The following IBTK variants were observed in gnomAD, a reference collection of about 807,000 sequenced individuals.
IBTK encodes the protein inhibitor of Bruton tyrosine kinase.
Under a neutral mutation model 154.9 loss-of-function variants are expected in IBTK, and 83 were observed. That is an observed-to-expected ratio of 0.54 (90% CI 0.45 to 0.64). The LOEUF (loss-of-function observed/expected upper bound fraction) is 0.64, where lower values mean the gene tolerates loss of function less well. Ranked by LOEUF, IBTK falls within the 30% of genes least tolerant of loss-of-function variation. The probability of loss-of-function intolerance (pLI) is 0.00; values close to 1 mark genes in which losing one functional copy is unlikely to be tolerated. For missense variants in IBTK, 1,332 were observed against 1,584.6 expected, an observed-to-expected ratio of 0.84 and a Z score of 2.71; for synonymous variants, 515 against 536.1, an observed-to-expected ratio of 0.96 and a Z score of 0.54.
intron 2 of IBTK, among the ~76,000 whole-genome samples, 200 bp downstream of exon 2, chr6:82,239,966 T>G (rs1406723802): frequency 6.6e-6 from 1 of 152,184 alleles, no homozygotes; most frequent in African/African-American, 2.4e-5. Context: ...ATGATAAATG[T>G]TTAAAATTTT....
intron 12 of IBTK, among the ~76,000 whole-genome samples, chr6:82,213,159 C>A (rs1270036723): frequency 6.6e-6 from 1 of 152,112 alleles, no homozygotes; most frequent in Non-Finnish European, 1.5e-5. Context: ...AACCCAGTAA[C>A]TGGGACTACA....
Position 82,231,720 on chromosome 6 carries a change from G to T in IBTK, c.541C>A (p.Gln181Lys). ...TATAGATTGTACTTCAAAAATACCT[G>T]CTTGATATAAATCCCACTCCTGGAG... Reference protein sequence around the residue: ...LFSRSGIYIKQVVLCKFHSVF... With the variant: ...LFSRSGIYIKKVVLCKFHSVF... The change falls in exon 4 of 29, where the codon CAG (glutamine) becomes AAG (lysine). Residue 181 changes from glutamine (Q) to lysine (K), a missense_variant and splice_region_variant. Gln to Lys is a moderately conservative substitution (Grantham distance 53). This residue lies in a region of IBTK where 114 missense variants were observed against 213.7 expected (regional missense o/e 0.53). Coordinates refer to ENST00000306270, the MANE Select transcript of IBTK (RefSeq NM_015525.4). The T allele has an allele frequency of 6.3e-7, 1 of 1,596,612 alleles. No individual in the cohort carries two copies. The highest frequency in any genetic ancestry group is 2.2e-5 in the East Asian group (1 of 44,504).
At position 82,200,522 on chromosome 6, in the gene IBTK, G is replaced by A. The variant is rs1037847735; in HGVS notation, c.2912+65C>T. ...GTCATATGTCCAAGATGAGAGTGAA[G>A]GGACACACTGGAGAAAAGAAGGAAG... On this transcript the variant is annotated intron_variant, in intron 20 of 28. Coordinates refer to ENST00000306270, the MANE Select transcript of IBTK (RefSeq NM_015525.4). 8.3e-6 allele frequency: 11 copies of A among 1,323,920 alleles called. No homozygotes were observed. The East Asian group carries it at 1.3e-4, about 15-fold the overall frequency. The allele number at this position is 1,323,920 out of a possible 1,614,324, so 82.0% of individuals were successfully genotyped here.
At chr6:82,186,837 T>C (rs1768574258) in intron 25 of IBTK, among the ~76,000 whole-genome samples, 1 of 152,026 alleles carries the variant, frequency 6.6e-6, no homozygotes, top group African/African-American at 2.4e-5. Flanking sequence ...CTCATGTTTG[T>C]ACTTAAGTTT....
In IBTK at chr6:82,216,613, C is replaced by G. The variant is rs535082894; in HGVS notation, c.1427-363G>C. Among the ~76,000 whole-genome samples the G allele has an allele frequency of 4.6e-5, 7 of 152,252 alleles. No homozygotes were observed. The East Asian group carries it at 1.3e-3, about 29-fold the overall frequency. On this transcript the variant is annotated intron_variant, in intron 10 of 28. Coordinates refer to ENST00000306270, the MANE Select transcript of IBTK (RefSeq NM_015525.4). ...GCCCAAAGGGAAAAAAATTCTTCAACTTGGATTAAAAATATATAAATCTAC... is the reference window on the plus strand; with the variant it reads ...GCCCAAAGGGAAAAAAATTCTTCAAGTTGGATTAAAAATATATAAATCTAC...
chr6:82,205,117 AT>A, intron 16 of IBTK, 159 bp from the exon 17 acceptor site: 1 of 427,370 alleles, frequency 2.3e-6, no homozygotes, highest in Non-Finnish European at 4.2e-6. Flanking sequence ...TATTTTCTAA[AT>A]GTTGAAAGGG....
chr6:82,227,073 T>G, intron 5 of IBTK, 119 bp downstream of exon 5: 1 of 583,506 alleles, frequency 1.7e-6, no homozygotes, highest in Non-Finnish European at 3.0e-6. Context: ...TTAAAATCTA[T>G]TATCAATTGA....
chr6:82,180,318 T>C (rs1382688946), intron 26 of IBTK, among the ~76,000 whole-genome samples: 1 of 152,166 alleles, frequency 6.6e-6, no homozygotes, highest in Non-Finnish European at 1.5e-5. Context: ...CAATCATGGC[T>C]AACTGCAGCC....
chr6:82,226,175 A>G (rs1035139702), intron 5 of IBTK, among the ~76,000 whole-genome samples: 1 of 152,214 alleles, frequency 6.6e-6, no homozygotes, highest in African/African-American at 2.4e-5. Flanking sequence ...AACGATTGCT[A>G]TTATTAGTGT....
At chr6:82,215,035 T>A (rs935395828) in intron 11 of IBTK, among the ~76,000 whole-genome samples, 3 of 152,314 alleles carry the variant, frequency 2.0e-5, no homozygotes, top group African/African-American at 7.2e-5. Flanking sequence ...TTTATATTTA[T>A]ATTCTATTCT....
chr6:82,232,062 GT>G (rs11373105), intron 3 of IBTK, among the ~76,000 whole-genome samples: 5 of 148,152 alleles, frequency 3.4e-5, no homozygotes, highest in African/African-American at 1.0e-4. Context: ...TTTTGTTGTT[GT>G]TTTTTTTTAA....
chr6:82,242,384 A>C (rs1256866713), intron 1 of IBTK, among the ~76,000 whole-genome samples: 2 of 150,568 alleles, frequency 1.3e-5, no homozygotes, highest in African/African-American at 4.9e-5. Context: ...AAAAAAAAAA[A>C]TTAATGGCAA....
intron 26 of IBTK, among the ~76,000 whole-genome samples, chr6:82,178,872 T>G (rs1397678619): frequency 6.6e-6 from 1 of 152,182 alleles, no homozygotes; most frequent in Non-Finnish European, 1.5e-5. Context: ...ATTTGAGAAC[T>G]AAGAGAAGGC....
At chr6:82,194,308 G>C (rs986042963) in intron 23 of IBTK, among the ~76,000 whole-genome samples, 171 bp downstream of exon 23, 1 of 152,076 alleles carries the variant, frequency 6.6e-6, no homozygotes, top group Admixed American at 6.6e-5. Flanking sequence ...GGTTGGTTGG[G>C]GGGGAAGCCT....
chr6:82,193,644 A>G (rs1210249103), intron 23 of IBTK, among the ~76,000 whole-genome samples: 2 of 152,202 alleles, frequency 1.3e-5, no homozygotes, highest in Admixed American at 6.5e-5. Flanking sequence ...ATTTTGAAAG[A>G]ATACTACATT....
intron 27 of IBTK, chr6:82,173,049 T>C: frequency 5.0e-6 from 1 of 200,890 alleles, no homozygotes; most frequent in Non-Finnish European, 9.8e-6. Flanking sequence ...TCGCCCCGGC[T>C]GGAGTACAGT....
intron 1 of IBTK, among the ~76,000 whole-genome samples, chr6:82,243,097 C>A (rs964107138): frequency 1.3e-5 from 2 of 150,062 alleles, no homozygotes; most frequent in Admixed American, 6.7e-5. Flanking sequence ...AAAAATTAGC[C>A]GGGTGTGGTG....
intron 26 of IBTK, chr6:82,173,674 A>AATATAT (rs35757334): frequency 1.9e-4 from 38 of 197,314 alleles, no homozygotes; most frequent in Non-Finnish European, 2.8e-4. Context: ...TCTAATAATA[A>AATATAT]ATATATATAT....
intron 1 of IBTK, among the ~76,000 whole-genome samples, chr6:82,245,382 A>C (rs1771104939): frequency 6.6e-6 from 1 of 152,124 alleles, no homozygotes; most frequent in South Asian, 2.1e-4. Flanking sequence ...AACATGGTGA[A>C]AGCCATCGCT....
Sources: allele counts gnomAD v4.1 joint callset (sites outside exome capture counted in the v4.1 genomes callset), GRCh38; gene constraint gnomAD v4.1.1; regional missense constraint gnomAD v4.1.1; transcripts MANE v1.5; gene names NCBI Gene and HGNC (gene_info 2026-07-23, HGNC 2026-07-21).